The following PCDHA2 variants were observed in gnomAD, a reference collection of about 807,000 sequenced individuals.
PCDHA2 encodes protocadherin alpha-2.
A neutral mutation model predicts 66.0 loss-of-function variants in PCDHA2; 58 were observed. The ratio of observed to expected loss-of-function variants is 0.88; its 90% CI spans 0.71 to 1.09. PCDHA2 has a LOEUF of 1.09. Among genes scored for constraint, PCDHA2 ranks in the 50% least tolerant of loss-of-function variants. The pLI, the probability that PCDHA2 is intolerant of heterozygous loss-of-function variation, is 0.00. For synonymous variants in PCDHA2, 634 were observed against 554.0 expected (o/e 1.14, Z -2.03); for missense variants, 1,267 against 1,242.3 (o/e 1.02, Z -0.30).
chr5:140,824,052 T>C, intron 1 of PCDHA2: 1 of 1,614,200 alleles, frequency 6.2e-7, no homozygotes, highest in Non-Finnish European at 8.5e-7. Flanking sequence ...GGGTGTGCTC[T>C]GGGGAAGCTC....
intron 1 of PCDHA2, among the ~76,000 whole-genome samples, chr5:140,971,500 T>C (rs2096483313): frequency 1.3e-5 from 2 of 152,136 alleles, no homozygotes; most frequent in Admixed American, 1.3e-4. Context: ...TGTGGCAAGA[T>C]AGGAGCAAAA....
chr5:140,802,954 G>C, intron 1 of PCDHA2: 1 of 1,613,930 alleles, frequency 6.2e-7, no homozygotes, highest in Non-Finnish European at 8.5e-7. Context: ...CGGTCAGTGG[G>C]TGCGGGCCAC....
At chr5:140,800,088 A>G (rs187224509) in intron 1 of PCDHA2, among the ~76,000 whole-genome samples, 56 of 152,298 alleles carry the variant, frequency 3.7e-4, no homozygotes, top group Admixed American at 1.2e-3. Flanking sequence ...CTAGAAATTC[A>G]TCAGGAGTGG....
chr5:140,809,545 G>T, intron 1 of PCDHA2: 1 of 1,613,146 alleles, frequency 6.2e-7, no homozygotes, highest in Non-Finnish European at 8.5e-7. Flanking sequence ...AAGATCAGCT[G>T]CAGACAACTG....
chr5:140,834,539 G>A (rs1489443393), intron 1 of PCDHA2: 2 of 1,613,968 alleles, frequency 1.2e-6, no homozygotes, highest in Non-Finnish European at 1.7e-6. Flanking sequence ...CGCAGGACCT[G>A]GGGCTGGAGC....
At chr5:140,942,618 G>A (rs2093340526) in intron 1 of PCDHA2, among the ~76,000 whole-genome samples, 1 of 97,740 alleles carries the variant, frequency 1.0e-5, no homozygotes. Context: ...TTTGCCAATT[G>A]TAAAAAAAAA....
In PCDHA2 at chr5:140,795,067, G is replaced by A; in HGVS notation, c.103G>A (p.Val35Ile). The change falls in exon 1 of 4, where the codon GTC becomes ATC. Residue 35 changes from valine to isoleucine, a missense_variant. By Grantham distance (29) the Val-to-Ile change is conservative (BLOSUM62 3). Transcript: ENST00000526136. ...GGGGAGCGGCCAGCTCCGCTACTCC[G>A]TCCCCGAGGAGGCCAAACACGGCAC... ...EVGSGQLRYS[V>I]PEEAKHGTFV... 6.2e-7 allele frequency: 1 copy of A among 1,613,954 alleles called. No individual in the cohort carries two copies. Among genetic ancestry groups the A allele is most frequent in the Non-Finnish European group, 8.5e-7 (1 of 1,180,036 alleles).
rs2150467797 is a variant in PCDHA2 at position 140,850,109 on chromosome 5, C to G, written c.2388+52757C>G. ...TGCTACAGTTCCAGGTGAGCGCGCG[C>G]GACGCGGGCGTGCCGCCTCTGGGCA... On this transcript the variant is annotated intron_variant, in intron 1 of 3. Coordinates refer to ENST00000526136, the MANE Select transcript of PCDHA2 (RefSeq NM_018905.3). 1.1e-4 allele frequency: 170 copies of G among 1,596,054 alleles called. 9 individuals are homozygous for G. Among genetic ancestry groups the G allele is most frequent in the Non-Finnish European group, 2.6e-5 (30 of 1,167,820 alleles).
rs112377727 is a variant in PCDHA2, at chr5:140,875,811, G to T, written c.2388+78459G>T. The T allele has an allele frequency of 3.6e-4, 584 of 1,614,186 alleles. 8 individuals are homozygous for T. Among genetic ancestry groups the T allele is most frequent in the South Asian group, 3.4e-3 (314 of 91,084 alleles). On this transcript the variant is annotated intron_variant, in intron 1 of 3. Coordinates refer to ENST00000526136, the MANE Select transcript of PCDHA2 (RefSeq NM_018905.3). ...ACCTGGAGGTGATCGTGGACAGGCC[G>T]CTGCAGGTTTTCCATGTGGACGTGG...
chr5:140,956,522 C>T (rs1043265748), intron 1 of PCDHA2, among the ~76,000 whole-genome samples: 14 of 152,116 alleles, frequency 9.2e-5, no homozygotes, highest in Non-Finnish European at 1.9e-4. Flanking sequence ...GGTGAATAAG[C>T]TTTTTGATGT....
chr5:140,843,347 C>T, intron 1 of PCDHA2: 1 of 1,596,018 alleles, frequency 6.3e-7, no homozygotes. Flanking sequence ...CGGCCAGGCT[C>T]CAAAAGCGTC....
chr5:140,812,415 GT>G (rs1379696427), intron 1 of PCDHA2: 1 of 151,260 alleles, frequency 6.6e-6, no homozygotes, highest in Non-Finnish European at 1.5e-5. Context: ...CAGTTTTGTT[GT>G]TTTTTCAAAA....
intron 1 of PCDHA2, among the ~76,000 whole-genome samples, chr5:140,846,000 GA>G (rs1346490644): frequency 1.3e-5 from 2 of 149,558 alleles, no homozygotes; most frequent in African/African-American, 2.4e-5. Context: ...GTGGTGGAAT[GA>G]AAAAAATCTA....
Position 141,010,222 on chromosome 5 carries a change from C to T in PCDHA2, c.*285C>T. 6.4e-7 allele frequency: 1 copy of T among 1,551,730 alleles called. No homozygotes were observed. The highest frequency in any genetic ancestry group is 2.4e-5 in the East Asian group (1 of 40,912). ...CCTCCGCCGCAAAGGAGAGGCTTCC[C>T]AGCCCCGCCAGTGAGAGGTTGGACT... On this transcript the variant is annotated 3_prime_UTR_variant, in exon 4 of 4. Transcript: ENST00000526136.
At chr5:140,965,994 T>C (rs1377339531) in intron 1 of PCDHA2, among the ~76,000 whole-genome samples, 1 of 152,130 alleles carries the variant, frequency 6.6e-6, no homozygotes, top group Non-Finnish European at 1.5e-5. Context: ...TCTGCAGTAC[T>C]TAAGAGTGTC....
chr5:140,852,292 T>C (rs1554145741), intron 1 of PCDHA2: 1 of 478,914 alleles, frequency 2.1e-6, no homozygotes, highest in African/African-American at 2.1e-5. Context: ...CTTTTTATTT[T>C]TCTGAGACGG....
At chr5:140,975,343 A>G (rs997568363) in intron 1 of PCDHA2, among the ~76,000 whole-genome samples, 1 of 152,224 alleles carries the variant, frequency 6.6e-6, no homozygotes, top group Middle Eastern at 3.2e-3. Context: ...TCCCTTTCTT[A>G]AAGCCAACTG....
chr5:140,799,711 A>C (rs2149939456), intron 1 of PCDHA2, among the ~76,000 whole-genome samples: 1 of 152,264 alleles, frequency 6.6e-6, no homozygotes, highest in Middle Eastern at 3.4e-3. Context: ...AATCTGAGTA[A>C]GTTGCAGTCC....
rs2150172253 is a variant in PCDHA2, at chr5:140,829,667, G to A, written c.2388+32315G>A. ...GTACGCGCTGCAGCCGCTGGACCAC[G>A]AGGAGCTAGAGCTGCTGCAGTTTCA... On this transcript the variant is annotated intron_variant, in intron 1 of 3. Coordinates refer to ENST00000526136, the MANE Select transcript of PCDHA2 (RefSeq NM_018905.3). 11 of 1,612,886 alleles carry A rather than the reference G, an allele frequency of 6.8e-6. 1 individual carries two copies. The South Asian group carries it at 8.8e-5, about 13-fold the overall frequency.
Sources: gnomAD v4.1 joint callset for allele counts (sites outside exome capture counted in the v4.1 genomes callset) on GRCh38, gnomAD v4.1.1 for gene constraint, MANE v1.5 for transcripts, NCBI Gene and HGNC (gene_info 2026-07-23, HGNC 2026-07-21) for gene names.